IGSF10: variants seen among roughly 807,000 people sequenced by gnomAD.
The protein encoded by IGSF10 is immunoglobulin superfamily member 10.
IGSF10 carries 126 observed loss-of-function variants against 128.2 expected under a neutral mutation model. That is an observed-to-expected ratio of 0.98 (90% CI 0.85 to 1.14). The LOEUF is 1.14. Among genes scored for constraint, IGSF10 ranks in the 50% most tolerant of loss-of-function variants. The probability of loss-of-function intolerance (pLI) is 0.00; values close to 1 mark genes in which losing one functional copy is unlikely to be tolerated. For synonymous variants in IGSF10, 1,185 were observed against 1,146.2 expected, an observed-to-expected ratio of 1.03 and a Z score of -0.68; for missense variants, 3,295 against 3,149.8, an observed-to-expected ratio of 1.05 and a Z score of -1.10.
chr3:151,478,640 A>G, the IGSF10 span, among the ~76,000 whole-genome samples: 2 of 152,202 alleles, frequency 1.3e-5, no homozygotes, highest in Middle Eastern at 3.2e-3. Flanking sequence ...AGAATTCTGT[A>G]TTTAGAAAAG....
At chr3:151,468,618 G>T in the IGSF10 span, among the ~76,000 whole-genome samples, 1 of 152,128 alleles carries the variant, frequency 6.6e-6, no homozygotes, top group East Asian at 1.9e-4. Context: ...AAATAAATGG[G>T]GAGTCGTGTA....
the IGSF10 span, among the ~76,000 whole-genome samples, chr3:151,546,351 G>T: frequency 6.6e-6 from 1 of 151,872 alleles, no homozygotes; most frequent in Admixed American, 6.6e-5. Flanking sequence ...TACTATTTAT[G>T]TTTATTTACT....
chr3:151,525,572 G>C, the IGSF10 span, among the ~76,000 whole-genome samples: 1 of 152,152 alleles, frequency 6.6e-6, no homozygotes, highest in Admixed American at 6.5e-5. Context: ...ATTCTTACCT[G>C]AGGGTTTGAA....
At position 151,443,538 on chromosome 3, in the gene IGSF10, TC is replaced by T; in HGVS notation, c.5408del (p.Gly1803GlufsTer43). 2 of 1,614,246 alleles carry T rather than the reference TC, an allele frequency of 1.2e-6. No individual in the cohort carries two copies. Among genetic ancestry groups the T allele is most frequent in the Admixed American group, 1.7e-5 (1 of 60,034 alleles). On this transcript the variant is annotated frameshift_variant, in exon 7 of 8. Transcript: ENST00000282466. LOFTEE classifies it high-confidence loss of function. ...TACTGAGATTGTGGAGGACCAATGT[TC>T]CGTCAACCGTCACCACAGCCTGCCT... is the stretch of plus-strand genomic sequence containing the variant. Reference protein sequence around the residue: ...GSRQAVVTVDGTLVLHNLSIY... With the variant: ...GSRQAVVTVDXTLVLHNLSIY...
the IGSF10 span, among the ~76,000 whole-genome samples, chr3:151,553,668 G>A: frequency 6.6e-6 from 1 of 150,642 alleles, no homozygotes; most frequent in Admixed American, 6.6e-5. Flanking sequence ...CAATATATAT[G>A]GTATTTCTTA....
the IGSF10 span, among the ~76,000 whole-genome samples, chr3:151,618,049 A>G: frequency 1.3e-5 from 2 of 152,192 alleles, no homozygotes; most frequent in African/African-American, 2.4e-5. Flanking sequence ...ATTTAAACCT[A>G]ATCCCCAGTG....
At chr3:151,512,433 T>C in the IGSF10 span, among the ~76,000 whole-genome samples, 4 of 152,160 alleles carry the variant, frequency 2.6e-5, no homozygotes, top group Non-Finnish European at 5.9e-5. Context: ...AGACACAACA[T>C]ACCAGAATCT....
At chr3:151,591,212 A>T in the IGSF10 span, among the ~76,000 whole-genome samples, 7 of 151,748 alleles carry the variant, frequency 4.6e-5, no homozygotes, top group Non-Finnish European at 1.0e-4. Flanking sequence ...ATATTTCTGT[A>T]TTTTTTTCTA....
the IGSF10 span, among the ~76,000 whole-genome samples, chr3:151,495,065 A>T: frequency 6.6e-6 from 1 of 152,174 alleles, no homozygotes; most frequent in African/African-American, 2.4e-5. Context: ...TGTGGTGCCA[A>T]AACACCAAAG....
chr3:151,567,181 CAAAG>C, the IGSF10 span, among the ~76,000 whole-genome samples: 3 of 152,136 alleles, frequency 2.0e-5, no homozygotes, highest in Admixed American at 2.0e-4. Context: ...GCAGTTGAGA[CAAAG>C]AGAGAGAAAC....
the IGSF10 span, among the ~76,000 whole-genome samples, chr3:151,599,558 C>T: frequency 1.3e-5 from 2 of 152,026 alleles, no homozygotes; most frequent in African/African-American, 4.8e-5. Context: ...GACTTTATTG[C>T]GTCTTTTTTG....
the IGSF10 span, among the ~76,000 whole-genome samples, chr3:151,470,870 T>C: frequency 6.6e-6 from 1 of 152,316 alleles, no homozygotes; most frequent in Admixed American, 6.5e-5. Flanking sequence ...CCCGCATTTT[T>C]CAGTAAGCAG....
the IGSF10 span, among the ~76,000 whole-genome samples, chr3:151,466,704 G>A: frequency 0.013 from 2,002 of 152,150 alleles, 19 homozygotes; most frequent in Non-Finnish European, 0.021. Flanking sequence ...TTCGCCTCCC[G>A]AGTAGCTGGG....
At chr3:151,478,101 C>A in the IGSF10 span, among the ~76,000 whole-genome samples, 1 of 152,188 alleles carries the variant, frequency 6.6e-6, no homozygotes. Flanking sequence ...TGCCCCCACA[C>A]CCTCAGGCAG....
chr3:151,577,335 C>T, the IGSF10 span, among the ~76,000 whole-genome samples: 6 of 152,142 alleles, frequency 3.9e-5, no homozygotes, highest in East Asian at 1.9e-4. Flanking sequence ...AGCCCATGTC[C>T]GCCCATATTA....
chr3:151,588,604 C>A, the IGSF10 span, among the ~76,000 whole-genome samples: 4 of 152,120 alleles, frequency 2.6e-5, no homozygotes, highest in African/African-American at 4.8e-5. Flanking sequence ...ACGGTGTATA[C>A]AATTTATGAC....
the IGSF10 span, among the ~76,000 whole-genome samples, chr3:151,502,847 G>C: frequency 6.6e-6 from 1 of 152,044 alleles, no homozygotes; most frequent in African/African-American, 2.4e-5. Context: ...AGAGTGATAA[G>C]AAAACCAGAA....
chr3:151,451,351 C>T (rs527660304), intron 5 of IGSF10, among the ~76,000 whole-genome samples: 71 of 152,298 alleles, frequency 4.7e-4, no homozygotes, highest in Non-Finnish European at 9.4e-4. Flanking sequence ...GTACCCTTCA[C>T]TTCTTATATC....
At chr3:151,609,332 A>T in the IGSF10 span, among the ~76,000 whole-genome samples, 1 of 152,172 alleles carries the variant, frequency 6.6e-6, no homozygotes, top group South Asian at 2.1e-4. Flanking sequence ...TTGGAATTTT[A>T]GTTTATAAGG....
Sources: allele counts gnomAD v4.1 joint callset (sites outside exome capture counted in the v4.1 genomes callset), GRCh38; gene constraint gnomAD v4.1.1; transcripts MANE v1.5; gene names NCBI Gene and HGNC (gene_info 2026-07-23, HGNC 2026-07-21).